The following SCAI variants were observed in gnomAD, a reference collection of about 807,000 sequenced individuals.
SCAI encodes suppressor of cancer cell invasion, also known as protein SCAI.
In SCAI, 24 loss-of-function variants were observed where a neutral mutation model predicts 92.2. The ratio of observed to expected loss-of-function variants is 0.26; its 90% CI spans 0.19 to 0.37. The LOEUF is 0.37. Ranked by LOEUF, SCAI falls within the 10% of genes least tolerant of loss-of-function variation. The pLI, the probability that SCAI is intolerant of heterozygous loss-of-function variation, is 1.00. For missense variants in SCAI, 450 were observed against 736.2 expected, an observed-to-expected ratio of 0.61 and a Z score of 4.50; for synonymous variants, 261 against 258.6, an observed-to-expected ratio of 1.01 and a Z score of -0.09.
At chr9:124,955,478 G>A (rs1831301086) in intron 17 of SCAI, among the ~76,000 whole-genome samples, 1 of 151,838 alleles carries the variant, frequency 6.6e-6, no homozygotes, top group African/African-American at 2.4e-5. Flanking sequence ...AAAATTAGCT[G>A]GGCATGGTGG....
At chr9:125,000,636 C>CA (rs1564372641) in intron 12 of SCAI, among the ~76,000 whole-genome samples, 1 of 144,950 alleles carries the variant, frequency 6.9e-6, no homozygotes, top group East Asian at 2.0e-4. Context: ...ATAAAATAAG[C>CA]TTTTTTTTTT....
In SCAI at chr9:125,026,203, T is replaced by G. The variant is rs544832527; in HGVS notation, c.512+609A>C. Among the ~76,000 whole-genome samples the G allele has an allele frequency of 4.6e-5, 7 of 152,190 alleles. No homozygotes were observed. In the East Asian group the frequency reaches 9.6e-4, roughly 21 times the overall value. The stretch of plus-strand genomic sequence containing the variant: ...CTGGCCAACATGATGAAACCCCATC[T>G]CTACTAAAAAATACAAAAAAATTAG... On this transcript the variant is annotated intron_variant, in intron 6 of 17. Coordinates refer to ENST00000336505, the MANE Select transcript of SCAI (RefSeq NM_001144877.3).
chr9:125,118,106 A>T (rs1218342449), intron 2 of SCAI, among the ~76,000 whole-genome samples: 2 of 152,210 alleles, frequency 1.3e-5, no homozygotes, highest in East Asian at 3.8e-4. Flanking sequence ...ATCACTAAAC[A>T]ATTAAAAATT....
intron 2 of SCAI, among the ~76,000 whole-genome samples, chr9:125,084,257 G>A (rs936846390): frequency 3.1e-5 from 4 of 130,242 alleles, no homozygotes; most frequent in Admixed American, 9.3e-5. Flanking sequence ...TGCAAGCTCC[G>A]CCTCCCAGGT....
At chr9:125,065,473 G>A (rs1833854133) in intron 2 of SCAI, among the ~76,000 whole-genome samples, 1 of 152,152 alleles carries the variant, frequency 6.6e-6, no homozygotes, top group Non-Finnish European at 1.5e-5. Flanking sequence ...CCACACCCAG[G>A]TGGTTTCACT....
At chr9:125,068,280 C>T (rs144076060) in intron 2 of SCAI, among the ~76,000 whole-genome samples, 1,535 of 151,136 alleles carry the variant, frequency 0.01, 24 homozygotes, top group African/African-American at 0.034. Flanking sequence ...GCAGGAGGAT[C>T]GCTTGAGGCT....
At position 125,131,527 on chromosome 9, in the gene SCAI, C is replaced by T. The variant is rs565778725; in HGVS notation, c.98+11106G>A. Among the ~76,000 whole-genome samples, 52 of 152,252 alleles carry T rather than the reference C, an allele frequency of 3.4e-4. No individual in the cohort carries two copies. In the South Asian group the frequency reaches 0.011, roughly 31 times the overall value. ...CCTGGCACTCTACCCTCCAGGAAGC[C>T]CTTGAATGAGTCCCACAGGACCTAT... On this transcript the variant is annotated intron_variant, in intron 2 of 17. Coordinates refer to ENST00000336505, the MANE Select transcript of SCAI (RefSeq NM_001144877.3).
intron 9 of SCAI, among the ~76,000 whole-genome samples, chr9:125,010,574 T>A (rs1832614871): frequency 6.6e-6 from 1 of 152,224 alleles, no homozygotes; most frequent in Non-Finnish European, 1.5e-5. Context: ...GAGACCTGCC[T>A]GCCTCTGTAG....
chr9:124,965,066 A>G lies in SCAI; in HGVS notation c.1674+6304T>C, dbSNP rs151101967. Among the ~76,000 whole-genome samples the G allele has an allele frequency of 4.6e-3, 695 of 151,684 alleles. 5 individuals carry two copies. Among genetic ancestry groups the G allele is most frequent in the African/African-American group, 0.016 (666 of 41,388 alleles). On this transcript the variant is annotated intron_variant, in intron 17 of 17. Coordinates refer to ENST00000336505, the MANE Select transcript of SCAI (RefSeq NM_001144877.3). ...TTGTCTGCTGCCTCTTGGTTGGCAG[A>G]AGCTGCTTCTCGTGTTATCTTAACA... is the stretch of plus-strand genomic sequence containing the variant.
At chr9:124,978,842 G>C (rs749090782) in intron 14 of SCAI, among the ~76,000 whole-genome samples, 1 of 151,972 alleles carries the variant, frequency 6.6e-6, no homozygotes, top group Non-Finnish European at 1.5e-5. Flanking sequence ...TTTATGAACA[G>C]GTATGAAGGG....
intron 9 of SCAI, among the ~76,000 whole-genome samples, chr9:125,014,671 G>GA (rs1267645518): frequency 6.6e-6 from 1 of 152,046 alleles, no homozygotes; most frequent in Admixed American, 6.6e-5. Flanking sequence ...CACAGAATTG[G>GA]AAAAAACTAT....
chr9:125,039,190 T>C (rs1455706402), intron 3 of SCAI, among the ~76,000 whole-genome samples: 1 of 151,920 alleles, frequency 6.6e-6, no homozygotes, highest in Non-Finnish European at 1.5e-5. Flanking sequence ...GAGCAGACCA[T>C]TCTGGCCAAC....
At chr9:125,019,700 G>A (rs562575021) in intron 7 of SCAI, among the ~76,000 whole-genome samples, 4 of 152,066 alleles carry the variant, frequency 2.6e-5, no homozygotes, top group African/African-American at 9.6e-5. Flanking sequence ...TATGGTTTTT[G>A]GAAATATTTT....
rs200478699 is a variant in SCAI, at chr9:124,992,386, C to CTT, written c.1326+2546_1326+2547dup. ...TCCATATGGGGTTCTCTTTTCATTT[C>CTT]TTTTTTTTTTTTGTTGAGACAGAAT... On this transcript the variant is annotated intron_variant, in intron 14 of 17. Transcript: ENST00000336505. Among the ~76,000 whole-genome samples the CTT allele has an allele frequency of 1.0e-4, 15 of 144,532 alleles. No homozygotes were observed. In the East Asian group the frequency reaches 1.6e-3, roughly 16 times the overall value. The allele number at this position is 144,532 out of a possible 152,430, so 94.8% of individuals were successfully genotyped here.
chr9:124,968,750 G>A, intron 17 of SCAI: 5 of 1,213,008 alleles, frequency 4.1e-6, no homozygotes, highest in Non-Finnish European at 1.2e-6. Context: ...TGAGGCCATG[G>A]AGGTTCAAAC....
At chr9:125,114,939 ATTT>A (rs1185170596) in intron 2 of SCAI, among the ~76,000 whole-genome samples, 2 of 151,922 alleles carry the variant, frequency 1.3e-5, no homozygotes, top group Admixed American at 6.6e-5. Flanking sequence ...TGCCCAGCTA[ATTT>A]TTATATGTTT....
intron 17 of SCAI, among the ~76,000 whole-genome samples, chr9:124,960,012 T>C (rs533163269): frequency 5.2e-4 from 79 of 152,154 alleles, no homozygotes; most frequent in Non-Finnish European, 9.4e-4. Flanking sequence ...GCATGTGTCT[T>C]TATAGCAGCA....
intron 2 of SCAI, among the ~76,000 whole-genome samples, chr9:125,136,984 C>G (rs1835549248): frequency 6.6e-6 from 1 of 151,820 alleles, no homozygotes; most frequent in Admixed American, 6.6e-5. Flanking sequence ...GTCTTGAACT[C>G]CTGACCTTGT....
rs764858681 is a variant in SCAI, at chr9:125,073,092, A to ATTTTTTTTTTTTTTTTTTTTTT, written c.99-17107_99-17086dup. Among the ~76,000 whole-genome samples, 5 of 72,476 alleles carry ATTTTTTTTTTTTTTTTTTTTTT rather than the reference A, an allele frequency of 6.9e-5. 1 individual carries two copies. Among genetic ancestry groups the ATTTTTTTTTTTTTTTTTTTTTT allele is most frequent in the Non-Finnish European group, 1.3e-4 (5 of 37,334 alleles). The allele number at this position is 72,476 out of a possible 152,430, so 47.5% of individuals were successfully genotyped here. A position where few individuals can be genotyped will look rare whatever the true frequency, so the allele number is the denominator to read the frequency against. On this transcript the variant is annotated intron_variant, in intron 2 of 17. Coordinates refer to ENST00000336505, the MANE Select transcript of SCAI (RefSeq NM_001144877.3). ...GGATCATATGAGGATTCTATTTTTA[A>ATTTTTTTTTTTTTTTTTTTTTT]TTTTTTTTTTTTTTTTTTTTTTTTT...
Sources: gnomAD v4.1 joint callset for allele counts (sites outside exome capture counted in the v4.1 genomes callset) on GRCh38, gnomAD v4.1.1 for gene constraint, MANE v1.5 for transcripts, NCBI Gene and HGNC (gene_info 2026-07-23, HGNC 2026-07-21) for gene names.